COL11A1: variants seen among roughly 807,000 people sequenced by gnomAD.
COL11A1 encodes the protein collagen alpha-1(XI) chain.
In COL11A1, 74 loss-of-function variants were observed where a neutral mutation model predicts 265.2. The observed-to-expected ratio is 0.28, with a 90% CI of 0.23 to 0.34. The LOEUF is 0.34. Among genes scored for constraint, COL11A1 ranks in the 10% least tolerant of loss-of-function variants. The probability of loss-of-function intolerance (pLI) is 1.00; values close to 1 mark genes in which losing one functional copy is unlikely to be tolerated. For synonymous variants in COL11A1, 816 were observed against 727.6 expected, an observed-to-expected ratio of 1.12 and a Z score of -1.96; for missense variants, 2,165 against 2,263.6, an observed-to-expected ratio of 0.96 and a Z score of 0.88.
intron 42 of COL11A1, among the ~76,000 whole-genome samples, chr1:102,944,529 T>G (rs1427702270): frequency 6.6e-6 from 1 of 152,124 alleles, no homozygotes; most frequent in Non-Finnish European, 1.5e-5. Flanking sequence ...CCTTTTCCCT[T>G]CTCTAGTTAT....
intron 46 of COL11A1, among the ~76,000 whole-genome samples, chr1:102,927,445 A>T (rs1043216646): frequency 5.9e-5 from 9 of 152,130 alleles, no homozygotes; most frequent in African/African-American, 1.9e-4. Context: ...GGCCAGGCGC[A>T]GTGGCTCACG....
intron 48 of COL11A1, 85 bp downstream of exon 48, chr1:102,921,433 G>A (rs1464794037): frequency 2.7e-6 from 3 of 1,114,820 alleles, no homozygotes; most frequent in East Asian, 4.8e-5. Context: ...GTTTAATATT[G>A]TTATAACTCA....
At chr1:102,932,415 T>C (rs972130550) in intron 46 of COL11A1, among the ~76,000 whole-genome samples, 5 of 152,226 alleles carry the variant, frequency 3.3e-5, no homozygotes, top group African/African-American at 9.6e-5. Context: ...TGTTGAATAT[T>C]GGCCCCCACT....
chr1:102,962,709 G>A lies in COL11A1; in HGVS notation c.2968C>T (p.Pro990Ser). 1 of 1,614,142 alleles carries A rather than the reference G, an allele frequency of 6.2e-7. No individual in the cohort carries two copies. Among genetic ancestry groups the A allele is most frequent in the East Asian group, 2.2e-5 (1 of 44,876 alleles). ...PIGERGHPGPPGPPGEQGLPG... is the reference protein window; with the variant it reads ...PIGERGHPGPSGPPGEQGLPG... ...AGACCTTGCTCACCAGGAGGGCCAG[G>A]AGGGCCAGGATGCCCACGTTCCCCT... Residue 990 changes from proline to serine, a missense_variant, in exon 39 of 67, where the codon CCT (proline) becomes TCT (serine). Physicochemically the swap from Pro to Ser is moderately conservative, Grantham distance 74. Transcript: ENST00000370096.
chr1:103,022,604 C>T, intron 8 of COL11A1, 138 bp downstream of exon 8: 2 of 928,258 alleles, frequency 2.2e-6, no homozygotes, highest in Non-Finnish European at 1.7e-6. Context: ...ACAAGGTGTC[C>T]TAGTGGTAAT....
chr1:102,881,502 C>T lies in COL11A1; in HGVS notation c.5040+195G>A, dbSNP rs543503320. 1.8e-4 allele frequency among the ~76,000 whole-genome samples: 27 copies of T among 152,140 alleles called. 1 individual carries two copies. Among genetic ancestry groups the T allele is most frequent in the Admixed American group, 6.5e-4 (10 of 15,274 alleles). On this transcript the variant is annotated intron_variant, in intron 65 of 66. Transcript: ENST00000370096. The stretch of plus-strand genomic sequence containing the variant: ...CATAAATTTAGCATATTTCCATTTA[C>T]TTTTATACAAAAATGTTAGGTTGCT...
intron 4 of COL11A1, among the ~76,000 whole-genome samples, chr1:103,069,850 G>A (rs1380134512): frequency 6.6e-6 from 1 of 151,710 alleles, no homozygotes; most frequent in African/African-American, 2.4e-5. Context: ...AAACCACAAT[G>A]TAACACTACA....
intron 20 of COL11A1, 139 bp from the exon 21 acceptor site, chr1:103,003,407 G>T: frequency 1.1e-6 from 1 of 910,380 alleles, no homozygotes; most frequent in Non-Finnish European, 1.7e-6. Context: ...TGAAAGTGAT[G>T]TCCATAACAT....
intron 6 of COL11A1, 53 bp from the exon 7 acceptor site, chr1:103,025,666 T>C: frequency 1.3e-6 from 2 of 1,574,738 alleles, no homozygotes; most frequent in Non-Finnish European, 1.7e-6. Flanking sequence ...ATCCCAAATG[T>C]ATGGAAATCA....
chr1:103,054,413 G>A (rs984517374), intron 4 of COL11A1, among the ~76,000 whole-genome samples: 2 of 152,112 alleles, frequency 1.3e-5, no homozygotes, highest in South Asian at 2.1e-4. Context: ...AAAGTACCAC[G>A]TTCAAATGGC....
chr1:102,982,933 A>G (rs559433663), intron 31 of COL11A1, among the ~76,000 whole-genome samples: 18 of 152,198 alleles, frequency 1.2e-4, no homozygotes, highest in East Asian at 1.2e-3. Context: ...TTATGCCTGA[A>G]TGGGTCAAAC....
At chr1:102,909,486 C>CAAATAACT (rs71094582) in intron 54 of COL11A1, among the ~76,000 whole-genome samples, 271 of 152,162 alleles carry the variant, frequency 1.8e-3, no homozygotes, top group Middle Eastern at 0.014. Flanking sequence ...CTTAAAGCAA[C>CAAATAACT]AAATAACTAA....
chr1:103,005,038 A>T (rs981868715), intron 18 of COL11A1, among the ~76,000 whole-genome samples: 1 of 152,032 alleles, frequency 6.6e-6, no homozygotes, highest in Non-Finnish European at 1.5e-5. Context: ...AATATTTTCT[A>T]CTTCTAAGTA....
intron 4 of COL11A1, among the ~76,000 whole-genome samples, chr1:103,072,910 GT>G (rs960157307): frequency 6.6e-6 from 1 of 151,628 alleles, no homozygotes; most frequent in African/African-American, 2.4e-5. Flanking sequence ...AGTAAAAATT[GT>G]TTCCCCTTTA....
At chr1:103,061,058 T>C (rs1473642672) in intron 4 of COL11A1, among the ~76,000 whole-genome samples, 5 of 151,420 alleles carry the variant, frequency 3.3e-5, no homozygotes, top group African/African-American at 1.2e-4. Context: ...AAAGGAAGGG[T>C]ATAAAGGTAT....
Position 103,020,186 on chromosome 1 carries a change from A to C in COL11A1, c.1309-1327T>G, listed in dbSNP as rs373367717. The stretch of plus-strand genomic sequence containing the variant: ...CACACTGACTTCCACAATGGTTGAA[A>C]TAGTTTACAGTCCCACCAACAGTGT... On this transcript the variant is annotated intron_variant, in intron 9 of 66. Transcript: ENST00000370096. 8.6e-5 allele frequency among the ~76,000 whole-genome samples: 13 copies of C among 151,764 alleles called. No individual in the cohort carries two copies. The South Asian group carries it at 1.0e-3, about 12-fold the overall frequency.
intron 4 of COL11A1, among the ~76,000 whole-genome samples, chr1:103,068,973 AT>A (rs1671363522): frequency 6.6e-6 from 1 of 151,692 alleles, no homozygotes; most frequent in Non-Finnish European, 1.5e-5. Context: ...AAACTCCATG[AT>A]TTTTAAAAAT....
At chr1:102,997,012 A>G in intron 26 of COL11A1, 68 bp downstream of exon 26, 1 of 1,311,166 alleles carries the variant, frequency 7.6e-7, no homozygotes. Flanking sequence ...ATATGAGATG[A>G]CCAAATTAAG....
At chr1:103,011,692 A>G (rs1372423059) in intron 14 of COL11A1, among the ~76,000 whole-genome samples, 1 of 151,004 alleles carries the variant, frequency 6.6e-6, no homozygotes, top group Non-Finnish European at 1.5e-5. Context: ...CGTTCTGTAA[A>G]TAGCAGAAAA....
Sources: allele counts gnomAD v4.1 joint callset (sites outside exome capture counted in the v4.1 genomes callset), GRCh38; gene constraint gnomAD v4.1.1; transcripts MANE v1.5; gene names NCBI Gene and HGNC (gene_info 2026-07-23, HGNC 2026-07-21).